The following TOP6BL variants were observed in gnomAD, a reference collection of about 807,000 sequenced individuals.
TOP6BL encodes the protein type 2 DNA topoisomerase 6 subunit B-like.
At chr11:66,815,921 G>A in the TOP6BL span, 1 of 821,074 alleles carries the variant, frequency 1.2e-6, no homozygotes, top group Non-Finnish European at 1.8e-6. Context: ...AGGTTCAGGA[G>A]GGTAAATGGG....
At chr11:66,840,570 C>T in the TOP6BL span, among the ~76,000 whole-genome samples, 3 of 152,164 alleles carry the variant, frequency 2.0e-5, no homozygotes, top group African/African-American at 7.2e-5. Context: ...AACCTCTCTC[C>T]CTCACATCTC....
At chr11:66,782,617 A>G in the TOP6BL span, among the ~76,000 whole-genome samples, 149 of 152,246 alleles carry the variant, frequency 9.8e-4, no homozygotes, top group African/African-American at 3.3e-3. Context: ...ACCCAGGGAA[A>G]TAACAGGACT....
the TOP6BL span, among the ~76,000 whole-genome samples, chr11:66,767,357 A>G: frequency 6.6e-6 from 1 of 152,022 alleles, no homozygotes; most frequent in Non-Finnish European, 1.5e-5. Flanking sequence ...GTGAAACATG[A>G]TTGTTTCAGT....
At chr11:66,799,254 C>T in the TOP6BL span, among the ~76,000 whole-genome samples, 8 of 149,662 alleles carry the variant, frequency 5.3e-5, no homozygotes, top group South Asian at 6.3e-4. Flanking sequence ...GGCATGGTGG[C>T]GCGTGCCTGT....
At chr11:66,774,791 C>G in the TOP6BL span, among the ~76,000 whole-genome samples, 1 of 149,684 alleles carries the variant, frequency 6.7e-6, no homozygotes, top group Admixed American at 6.7e-5. Flanking sequence ...TTTTTAAAAC[C>G]TTTACTCTTG....
the TOP6BL span, chr11:66,762,147 T>C: frequency 1.2e-6 from 1 of 850,510 alleles, no homozygotes; most frequent in African/African-American, 1.7e-5. Context: ...TCCTCCTGAA[T>C]TTCATCACTC....
the TOP6BL span, chr11:66,815,876 A>T: frequency 1.5e-5 from 8 of 550,298 alleles, no homozygotes; most frequent in Non-Finnish European, 2.5e-5. Flanking sequence ...CCTGTGAGTC[A>T]TTATGATTTG....
At chr11:66,810,280 A>G in the TOP6BL span, among the ~76,000 whole-genome samples, 15 of 152,342 alleles carry the variant, frequency 9.8e-5, no homozygotes, top group East Asian at 1.5e-3. Flanking sequence ...TAGAAGAAAA[A>G]TGTTGCCAGA....
the TOP6BL span, chr11:66,800,672 G>A: frequency 1.2e-6 from 2 of 1,606,184 alleles, no homozygotes; most frequent in Non-Finnish European, 8.5e-7. Context: ...AAGGTAAATG[G>A]AATCCTCTCC....
chr11:66,824,420 TTTATTA>T, the TOP6BL span, among the ~76,000 whole-genome samples: 4,344 of 140,690 alleles, frequency 0.031, 157 homozygotes, highest in African/African-American at 0.088. Context: ...TAATTTTGTA[TTTATTA>T]TTATTATTAT....
At chr11:66,747,340 G>A in the TOP6BL span, among the ~76,000 whole-genome samples, 1 of 151,738 alleles carries the variant, frequency 6.6e-6, no homozygotes, top group Non-Finnish European at 1.5e-5. Flanking sequence ...TATCTGTTAA[G>A]CATTTGCTAT....
At chr11:66,781,563 G>A in the TOP6BL span, among the ~76,000 whole-genome samples, 4 of 151,904 alleles carry the variant, frequency 2.6e-5, no homozygotes, top group African/African-American at 9.7e-5. Context: ...CAGAGACAGG[G>A]TCTCACTCTG....
the TOP6BL span, among the ~76,000 whole-genome samples, chr11:66,837,165 C>A: frequency 1.3e-5 from 2 of 151,968 alleles, no homozygotes; most frequent in Non-Finnish European, 2.9e-5. Flanking sequence ...CTCACTCTGT[C>A]GCCCAGGCTG....
chr11:66,748,530 A>G, the TOP6BL span: 2 of 1,510,830 alleles, frequency 1.3e-6, no homozygotes, highest in Admixed American at 4.7e-5. Flanking sequence ...AAGTAGAGAA[A>G]GAAAAAATAT....
chr11:66,837,359 C>T, the TOP6BL span, among the ~76,000 whole-genome samples: 1 of 151,932 alleles, frequency 6.6e-6, no homozygotes, highest in Non-Finnish European at 1.5e-5. Flanking sequence ...AATCTCCTGA[C>T]GTCATGATCC....
chr11:66,767,974 TA>T, the TOP6BL span, among the ~76,000 whole-genome samples: 1 of 152,170 alleles, frequency 6.6e-6, no homozygotes, highest in Admixed American at 6.6e-5. Flanking sequence ...TTATTTTTTG[TA>T]GAGATGAGAT....
chr11:66,788,458 C>A, the TOP6BL span, among the ~76,000 whole-genome samples: 2 of 152,152 alleles, frequency 1.3e-5, no homozygotes, highest in Non-Finnish European at 2.9e-5. Flanking sequence ...CGTCTGTGTC[C>A]CACTCTGAGT....
At chr11:66,796,338 C>T in the TOP6BL span, 22 of 1,610,174 alleles carry the variant, frequency 1.4e-5, no homozygotes, top group Admixed American at 6.7e-5. Flanking sequence ...GCATTTTTTA[C>T]GTAAAATCAT....
the TOP6BL span, among the ~76,000 whole-genome samples, chr11:66,824,059 A>T: frequency 6.6e-6 from 1 of 152,166 alleles, no homozygotes; most frequent in Admixed American, 6.5e-5. Flanking sequence ...AAAAAGTAAT[A>T]GTACCTCACA....
Sources: allele counts gnomAD v4.1 joint callset (sites outside exome capture counted in the v4.1 genomes callset), GRCh38; gene constraint gnomAD v4.1.1; transcripts MANE v1.5; gene names NCBI Gene and HGNC (gene_info 2026-07-23, HGNC 2026-07-21).